SIPA1L1: variants seen among roughly 807,000 people sequenced by gnomAD.
SIPA1L1 encodes the protein signal induced proliferation associated 1 like 1.
A neutral mutation model predicts 162.7 loss-of-function variants in SIPA1L1; 26 were observed. The observed-to-expected ratio is 0.16, with a 90% confidence interval of 0.12 to 0.22. The LOEUF is 0.22. SIPA1L1 is among the 10% of genes least tolerant of loss of function. SIPA1L1 has a pLI of 1.00. For synonymous variants in SIPA1L1, 829 were observed against 837.4 expected (o/e 0.99, Z 0.17); for missense variants, 1,874 against 2,241.0 (o/e 0.84, Z 3.31).
chr14:71,529,066 C>T (rs753018091), intron 3 of SIPA1L1, among the ~76,000 whole-genome samples: 4 of 151,480 alleles, frequency 2.6e-5, no homozygotes, highest in African/African-American at 9.7e-5. Flanking sequence ...GAGCCAAGAT[C>T]GCACCATTGC....
chr14:71,559,124 G>A (rs1280153792), intron 4 of SIPA1L1, among the ~76,000 whole-genome samples: 1 of 150,562 alleles, frequency 6.6e-6, no homozygotes, highest in African/African-American at 2.5e-5. Flanking sequence ...CTGGAGTGCA[G>A]TGGCGCTATC....
chr14:71,455,638 A>C (rs1299421533), intron 2 of SIPA1L1, among the ~76,000 whole-genome samples: 1 of 152,196 alleles, frequency 6.6e-6, no homozygotes, highest in African/African-American at 2.4e-5. Flanking sequence ...ACTTTGCTAA[A>C]GACTTTGGCA....
intron 2 of SIPA1L1, among the ~76,000 whole-genome samples, chr14:71,394,244 T>C (rs1171951821): frequency 6.6e-6 from 1 of 152,198 alleles, no homozygotes; most frequent in Non-Finnish European, 1.5e-5. Flanking sequence ...CTAATCAAAA[T>C]AGGGTGTGCC....
At chr14:71,432,691 G>A (rs768928369) in intron 2 of SIPA1L1, among the ~76,000 whole-genome samples, 50 of 152,180 alleles carry the variant, frequency 3.3e-4, no homozygotes, top group Non-Finnish European at 4.0e-4. Context: ...AGAGAAAAGC[G>A]TTTGCTTCTG....
chr14:71,627,442 C>T lies in SIPA1L1; in HGVS notation c.1818+3206C>T, dbSNP rs1006156168. Among the ~76,000 whole-genome samples the T allele has an allele frequency of 2.6e-5, 4 of 152,030 alleles. No individual in the cohort carries two copies. In the South Asian group the frequency reaches 6.2e-4, roughly 24 times the overall value. ...AATTACAGATGTGAGCCACCACGCC[C>T]GCCTTTCACTACTTAGTGATGCCCA... is the stretch of plus-strand genomic sequence containing the variant. On this transcript the variant is annotated intron_variant, in intron 7 of 23. Transcript: ENST00000381232.
intron 3 of SIPA1L1, among the ~76,000 whole-genome samples, chr14:71,520,523 G>A (rs1327359300): frequency 2.6e-5 from 4 of 152,126 alleles, no homozygotes; most frequent in Non-Finnish European, 5.9e-5. Context: ...AAAAAATGAA[G>A]TGTCACTCTG....
At chr14:71,382,764 A>G (rs1418555552) in intron 2 of SIPA1L1, among the ~76,000 whole-genome samples, 1 of 152,178 alleles carries the variant, frequency 6.6e-6, no homozygotes, top group Non-Finnish European at 1.5e-5. Context: ...TTCAACAGCA[A>G]ATATTGAGTG....
chr14:71,540,404 C>T (rs1055964235), intron 4 of SIPA1L1, among the ~76,000 whole-genome samples: 1 of 152,068 alleles, frequency 6.6e-6, no homozygotes, highest in African/African-American at 2.4e-5. Flanking sequence ...ACAGCTAAGC[C>T]TGGTGGTGGC....
intron 5 of SIPA1L1, among the ~76,000 whole-genome samples, chr14:71,616,820 A>G (rs1308174392): frequency 6.6e-6 from 1 of 152,206 alleles, no homozygotes; most frequent in Non-Finnish European, 1.5e-5. Flanking sequence ...GACCAGGGAA[A>G]GCTTGAGGAT....
chr14:71,424,911 AT>A (rs893849770), intron 2 of SIPA1L1, among the ~76,000 whole-genome samples: 2 of 151,448 alleles, frequency 1.3e-5, no homozygotes, highest in Admixed American at 6.6e-5. Flanking sequence ...TTTTTGAGAG[AT>A]TTTTTTTATT....
At chr14:71,724,587 G>T in intron 18 of SIPA1L1, 83 bp from the exon 19 acceptor site, 1 of 1,075,560 alleles carries the variant, frequency 9.3e-7, no homozygotes, top group South Asian at 1.6e-5. Flanking sequence ...GACTTATATT[G>T]ACTTACATCC....
At position 71,739,738 on chromosome 14, in the gene SIPA1L1, G is replaced by C. The variant is rs1219258371; in HGVS notation, c.*577G>C. On this transcript the variant is annotated 3_prime_UTR_variant, in exon 24 of 24. Transcript: ENST00000381232. Reference sequence around the variant, plus strand: ...GTGCTGTCTGTACCTGTCCTCCAGAGATCAGCAGGACCGGAGTTAAATATT... The same window carrying C: ...GTGCTGTCTGTACCTGTCCTCCAGACATCAGCAGGACCGGAGTTAAATATT... 1.3e-5 allele frequency: 2 copies of C among 152,236 alleles called. No homozygotes were observed. The highest frequency in any genetic ancestry group is 6.5e-5 in the Admixed American group (1 of 15,282). 9.4% of individuals were successfully genotyped at this position (152,236 alleles called of 1,614,324 possible). A position where few individuals can be genotyped will look rare whatever the true frequency, so the allele number is the denominator to read the frequency against.
chr14:71,735,597 T>C (rs912009588), intron 22 of SIPA1L1: 9 of 490,296 alleles, frequency 1.8e-5, no homozygotes, highest in Non-Finnish European at 3.2e-5. Context: ...TATACGGCCA[T>C]AATGATGAAT....
At chr14:71,420,017 T>C (rs939527072) in intron 2 of SIPA1L1, among the ~76,000 whole-genome samples, 2 of 152,034 alleles carry the variant, frequency 1.3e-5, no homozygotes, top group African/African-American at 4.8e-5. Context: ...CAAGACCCTG[T>C]CTCAAAAAAA....
chr14:71,698,491 A>G (rs1859551), intron 13 of SIPA1L1, among the ~76,000 whole-genome samples: 66,453 of 152,122 alleles, frequency 0.44, 15,248 homozygotes, highest in Admixed American at 0.52. Context: ...TATAAATACT[A>G]AATAGCAAAA....
In SIPA1L1 at chr14:71,736,927, C is replaced by T. The variant is rs575387205; in HGVS notation, c.5124-1314C>T. 3.9e-5 allele frequency among the ~76,000 whole-genome samples: 6 copies of T among 152,324 alleles called. No homozygotes were observed. The South Asian group carries it at 1.0e-3, about 26-fold the overall frequency. On this transcript the variant is annotated intron_variant, in intron 22 of 23. Transcript: ENST00000381232. ...AGCTGCAGTGGCTTTGCGAAGGATA[C>T]CACTGCTGCCCGGCCCCAGCCTCGT...
chr14:71,528,795 T>C (rs2053148057), intron 3 of SIPA1L1: 1 of 152,150 alleles, frequency 6.6e-6, no homozygotes, highest in Non-Finnish European at 1.5e-5. Context: ...GCATGTGACC[T>C]TAAAAATATT....
chr14:71,633,150 ATGTTATGTTCTGTTC>A (rs1184542407), intron 7 of SIPA1L1, among the ~76,000 whole-genome samples: 13,401 of 144,588 alleles, frequency 0.093, 692 homozygotes, highest in Non-Finnish European at 0.11. Flanking sequence ...ATGTTATGTT[ATGTTATGTTCTGTTC>A]TGTTCTGTTC....
intron 5 of SIPA1L1, among the ~76,000 whole-genome samples, chr14:71,598,509 A>T (rs1029304204): frequency 2.6e-5 from 4 of 152,210 alleles, no homozygotes; most frequent in African/African-American, 9.7e-5. Flanking sequence ...CCCCAGCCCA[A>T]TCACTTGAAA....
Sources: allele counts gnomAD v4.1 joint callset (sites outside exome capture counted in the v4.1 genomes callset), GRCh38; gene constraint gnomAD v4.1.1; transcripts MANE v1.5; gene names NCBI Gene and HGNC (gene_info 2026-07-23, HGNC 2026-07-21).